TRIM49B: variants seen among roughly 807,000 people sequenced by gnomAD.
TRIM49B encodes putative tripartite motif-containing protein 49B.
Under a neutral mutation model 31.8 loss-of-function variants are expected in TRIM49B, and 18 were observed. The observed-to-expected ratio is 0.57, with a 90% CI of 0.39 to 0.84. The LOEUF (loss-of-function observed/expected upper bound fraction) is 0.84. Among genes scored for constraint, TRIM49B ranks in the 40% least tolerant of loss-of-function variants. TRIM49B has a pLI of 0.00. For missense variants in TRIM49B, 494 were observed against 538.7 expected (o/e 0.92, Z 0.82); for synonymous variants, 196 against 180.6 (o/e 1.09, Z -0.68).
At chr11:49,033,993 A>G (rs952582076) in intron 3 of TRIM49B, among the ~76,000 whole-genome samples, 153 bp from the exon 4 acceptor site, 4 of 152,228 alleles carry the variant, frequency 2.6e-5, no homozygotes, top group African/African-American at 7.2e-5. Flanking sequence ...ATCTTTACGC[A>G]GAAAAAAGGA....
At position 49,036,354 on chromosome 11, in the gene TRIM49B, C is replaced by A; in HGVS notation, c.815C>A (p.Ala272Glu). ...CAGCCTCTGAATCCAGAGCTCAGTG[C>A]AGGGCCCATCACTGGACTGAGGGAC... is the stretch of plus-strand genomic sequence containing the variant. The part of the protein sequence containing the change: ...MPQPLNPELS[A>E]GPITGLRDRL... Residue 272 changes from alanine to glutamate, a missense_variant, in exon 6 of 7, where the codon GCA (alanine) becomes GAA (glutamate). By Grantham distance (107) the Ala-to-Glu change is moderately radical. Coordinates refer to ENST00000332682, the MANE Select transcript of TRIM49B (RefSeq NM_001206626.2). 1.9e-6 allele frequency: 3 copies of A among 1,578,134 alleles called. No homozygotes were observed. In the South Asian group the frequency reaches 3.4e-5, roughly 18 times the overall value.
intron 1 of TRIM49B, among the ~76,000 whole-genome samples, chr11:49,030,675 C>A (rs1408934612): frequency 6.6e-6 from 1 of 152,136 alleles, no homozygotes; most frequent in Non-Finnish European, 1.5e-5. Flanking sequence ...ACTCAGCTCA[C>A]CAACTCACAT....
In TRIM49B at chr11:49,036,341, C is replaced by T. The variant is rs751509260; in HGVS notation, c.802C>T (p.Pro268Ser). The T allele has an allele frequency of 2.5e-6, 4 of 1,573,726 alleles. No homozygotes were observed. In the South Asian group the frequency reaches 4.6e-5, roughly 18 times the overall value. The change falls in exon 6 of 7, where the codon CCA (proline) becomes TCA (serine). Residue 268 changes from proline to serine, a missense_variant. By Grantham distance (74) the Pro-to-Ser change is moderately conservative. This residue lies in a region of TRIM49B where 233 missense variants were observed against 281.4 expected (regional missense o/e 0.83). Transcript: ENST00000332682. ...VLLHMPQPLN[P>S]ELSAGPITGL... ...GCTGCACATGCCCCAGCCTCTGAATCCAGAGCTCAGTGCAGGGCCCATCAC... is the reference window on the plus strand; with the variant it reads ...GCTGCACATGCCCCAGCCTCTGAATTCAGAGCTCAGTGCAGGGCCCATCAC...
chr11:49,037,721 ATG>A lies in TRIM49B; in HGVS notation c.1104_1105del (p.Asn368LysfsTer16). 2 of 1,613,966 alleles carry A rather than the reference ATG, an allele frequency of 1.2e-6. No individual in the cohort carries two copies. The highest frequency in any genetic ancestry group is 3.3e-5 in the Admixed American group (2 of 60,016). ...ATGTATTGGAAAGAGAAGAATCAGA[ATG>A]AGAAGATAGATGGAGAGGATGGACT... On this transcript the variant is annotated frameshift_variant, in exon 7 of 7. Transcript: ENST00000332682. LOFTEE classifies it low-confidence loss of function (END_TRUNC).
At chr11:49,034,979 G>A (rs531210327) in intron 4 of TRIM49B, 116 bp from the exon 5 acceptor site, 3 of 1,527,686 alleles carry the variant, frequency 2.0e-6, no homozygotes, top group Admixed American at 2.1e-5. Context: ...CTTTCCAGAA[G>A]AGAAGATGGT....
In TRIM49B at chr11:49,032,017, G is replaced by A. The variant is rs1245427039; in HGVS notation, c.411+7G>A. 2 of 1,611,772 alleles carry A rather than the reference G, an allele frequency of 1.2e-6. No homozygotes were observed. The highest frequency in any genetic ancestry group is 1.7e-6 in the Non-Finnish European group (2 of 1,179,672). ...GGCTGCTGAGGAACACCAGGTAAGT[G>A]ATGGCTCTGAAGATCGATTTCTGTA... is the stretch of plus-strand genomic sequence containing the variant. On this transcript the variant is annotated splice_region_variant and intron_variant, in intron 2 of 6. Coordinates refer to ENST00000332682, the MANE Select transcript of TRIM49B (RefSeq NM_001206626.2).
chr11:49,030,684 A>G (rs1351573471), intron 1 of TRIM49B, among the ~76,000 whole-genome samples: 1 of 152,166 alleles, frequency 6.6e-6, no homozygotes, highest in African/African-American at 2.4e-5. Flanking sequence ...ACCAACTCAC[A>G]TATCTCTCTT....
intron 3 of TRIM49B, 33 bp from the exon 4 acceptor site, chr11:49,034,113 A>G (rs1854488651): frequency 1.2e-6 from 2 of 1,611,258 alleles, no homozygotes; most frequent in African/African-American, 1.3e-5. Context: ...GGATATATAC[A>G]TTTCTCTTTT....
intron 6 of TRIM49B, among the ~76,000 whole-genome samples, 182 bp from the exon 7 acceptor site, chr11:49,037,296 A>T (rs1854544130): frequency 6.6e-6 from 1 of 152,026 alleles, no homozygotes; most frequent in Non-Finnish European, 1.5e-5. Flanking sequence ...TTTCAAAAAA[A>T]CATAATATCT....
rs1854552670 is a variant in TRIM49B, at chr11:49,037,750, T to G, written c.1132T>G (p.Phe378Val). Reference sequence around the variant, plus strand: ...GAAGATAGATGGAGAGGATGGACTCTTTCTTCTTGGGTGTGTTAAGAATGA... The same window carrying G: ...GAAGATAGATGGAGAGGATGGACTCGTTCTTCTTGGGTGTGTTAAGAATGA... The part of the protein sequence containing the change: ...NEKIDGEDGL[F>V]LLGCVKNDIQ... The change falls in exon 7 of 7, where the codon TTT (phenylalanine) becomes GTT (valine). Residue 378 changes from phenylalanine (F) to valine (V), a missense_variant. Phe to Val is a conservative substitution (Grantham distance 50, BLOSUM62 -1). Coordinates refer to ENST00000332682, the MANE Select transcript of TRIM49B (RefSeq NM_001206626.2). 29 of 1,613,982 alleles carry G rather than the reference T, an allele frequency of 1.8e-5. No individual in the cohort carries two copies. Among genetic ancestry groups the G allele is most frequent in the Non-Finnish European group, 2.5e-5 (29 of 1,179,866 alleles).
chr11:49,029,874 A>G (rs1407493172), intron 1 of TRIM49B, among the ~76,000 whole-genome samples: 1 of 152,196 alleles, frequency 6.6e-6, no homozygotes, highest in Non-Finnish European at 1.5e-5. Context: ...ATGTTTAGAT[A>G]CACAAATAGT....
intron 6 of TRIM49B, among the ~76,000 whole-genome samples, chr11:49,037,129 C>G (rs1221139107): frequency 6.6e-6 from 1 of 152,150 alleles, no homozygotes; most frequent in Non-Finnish European, 1.5e-5. Flanking sequence ...CATTCACATT[C>G]TTTCCAAAAT....
chr11:49,038,134 A>C lies in TRIM49B; in HGVS notation c.*157A>C. 6.8e-7 allele frequency: 1 copy of C among 1,462,250 alleles called. No homozygotes were observed. The highest frequency in any genetic ancestry group is 1.4e-5 in the African/African-American group (1 of 70,470). 90.6% of individuals were successfully genotyped at this position (1,462,250 alleles called of 1,614,324 possible). A position where few individuals can be genotyped will look rare whatever the true frequency, so the allele number is the denominator to read the frequency against. ...AAAACTCATTTATTGTGTTACTATT[A>C]AATATGCTGAAAACACTAAAAGTAT... On this transcript the variant is annotated 3_prime_UTR_variant, in exon 7 of 7. Transcript: ENST00000332682.
Position 49,037,889 on chromosome 11 carries a change from A to T in TRIM49B, c.1271A>T (p.Asp424Val). The change falls in exon 7 of 7, where the codon GAT becomes GTT. Residue 424 changes from aspartate to valine, a missense_variant. Physicochemically the swap from Asp to Val is radical, Grantham distance 152. Around this residue, in one of 3 missense-constraint regions of TRIM49B, gnomAD observed 233 missense variants for 281.4 expected, o/e 0.83. Coordinates refer to ENST00000332682, the MANE Select transcript of TRIM49B (RefSeq NM_001206626.2). ...DCEAKTVSFV[D>V]VNQSSLIYTI... is the part of the protein sequence containing the mutation. ...GAGGCTAAGACTGTGAGCTTTGTTG[A>T]TGTTAATCAAAGCTCCCTAATATAC... 1 of 1,613,828 alleles carries T rather than the reference A, an allele frequency of 6.2e-7. No homozygotes were observed. Among genetic ancestry groups the T allele is most frequent in the Non-Finnish European group, 8.5e-7 (1 of 1,179,822 alleles).
intron 1 of TRIM49B, among the ~76,000 whole-genome samples, chr11:49,030,294 G>T (rs547324721): frequency 6.6e-6 from 1 of 152,040 alleles, no homozygotes; most frequent in Non-Finnish European, 1.5e-5. Flanking sequence ...CCGAGATCAC[G>T]CCACTGCATT....
intron 5 of TRIM49B, among the ~76,000 whole-genome samples, chr11:49,035,382 C>CGGT (rs1195949889): frequency 3.3e-5 from 2 of 60,994 alleles, no homozygotes; most frequent in Non-Finnish European, 5.5e-5. Context: ...TTTTTTGAGA[C>CGGT]GGTGTCTGGC....
intron 2 of TRIM49B, 88 bp from the exon 3 acceptor site, chr11:49,032,188 T>C: frequency 6.2e-7 from 1 of 1,609,936 alleles, no homozygotes; most frequent in Non-Finnish European, 8.5e-7. Flanking sequence ...GGAAATGCCA[T>C]TTACTAGGGG....
At chr11:49,030,627 C>T (rs2696925) in intron 1 of TRIM49B, among the ~76,000 whole-genome samples, 123,548 of 151,910 alleles carry the variant, frequency 0.81, 50,600 homozygotes, top group African/African-American at 0.86. Context: ...TGTCAGCTGA[C>T]TGGATGGTGC....
chr11:49,037,643 A>C lies in TRIM49B; in HGVS notation c.1025A>C (p.Tyr342Ser). 1 of 1,613,952 alleles carries C rather than the reference A, an allele frequency of 6.2e-7. No individual in the cohort carries two copies. The highest frequency in any genetic ancestry group is 8.5e-7 in the Non-Finnish European group (1 of 1,179,878). ...GAQTFTSGKY[Y>S]WEVHVGDSWN... ...CAGACTTTCACCTCGGGCAAATATT[A>C]CTGGGAGGTCCATGTAGGGGACTCC... is the stretch of plus-strand genomic sequence containing the variant. Residue 342 changes from tyrosine to serine, a missense_variant, in exon 7 of 7, where the codon TAC becomes TCC. Tyr to Ser is a moderately radical substitution (Grantham distance 144). This residue lies in a region of TRIM49B where 233 missense variants were observed against 281.4 expected (regional missense o/e 0.83). Transcript: ENST00000332682.
Sources: gnomAD v4.1 joint callset for allele counts (sites outside exome capture counted in the v4.1 genomes callset) on GRCh38, gnomAD v4.1.1 for gene constraint, gnomAD v4.1.1 regional missense constraint, MANE v1.5 for transcripts, NCBI Gene and HGNC (gene_info 2026-07-23, HGNC 2026-07-21) for gene names.